The following GALC variants were observed in gnomAD, a reference collection of about 807,000 sequenced individuals.
The protein encoded by GALC is galactosylceramidase.
In GALC, 77 loss-of-function variants were observed where a neutral mutation model predicts 91.8. That is an observed-to-expected ratio of 0.84 (90% confidence interval 0.70 to 1.01). The LOEUF (loss-of-function observed/expected upper bound fraction) is 1.01. Among genes scored for constraint, GALC ranks in the 50% least tolerant of loss-of-function variants. GALC has a pLI of 0.00. For synonymous variants in GALC, 357 were observed against 306.7 expected, an observed-to-expected ratio of 1.16 and a Z score of -1.71; for missense variants, 882 against 855.9, an observed-to-expected ratio of 1.03 and a Z score of -0.38.
intron 10 of GALC, chr14:87,955,232 A>C: frequency 2.1e-6 from 2 of 954,040 alleles, no homozygotes; most frequent in Non-Finnish European, 3.4e-6. Context: ...CAGGCATTTC[A>C]AGGAAGAAGT....
At chr14:87,986,893 C>G (rs1886999212) in intron 3 of GALC, 1 of 435,338 alleles carries the variant, frequency 2.3e-6, no homozygotes, top group Non-Finnish European at 4.3e-6. Context: ...CTAAAAATTC[C>G]CAGTATTCAT....
rs527451288 is a variant in GALC, at chr14:87,976,654, G to A, written c.622-166C>T. On this transcript the variant is annotated intron_variant, in intron 6 of 16. Transcript: ENST00000261304. ...TTCTCAGACAGAGGCTTCTCTCGTCGCCCAGGCTGGAGTGCAGTGGCAGGA... is the reference window on the plus strand; with the variant it reads ...TTCTCAGACAGAGGCTTCTCTCGTCACCCAGGCTGGAGTGCAGTGGCAGGA... 1.7e-3 allele frequency: 1,025 copies of A among 601,056 alleles called. 9 individuals are homozygous for A. The highest frequency in any genetic ancestry group is 0.014 in the African/African-American group (773 of 54,008). The allele number at this position is 601,056 out of a possible 1,614,324, so 37.2% of individuals were successfully genotyped here.
chr14:87,988,549 T>A lies in GALC; in HGVS notation c.196-26A>T, dbSNP rs375326954. On this transcript the variant is annotated intron_variant, in intron 1 of 16. Transcript: ENST00000261304. ...CTAAAAAAAAAAGTTTTCAAAAGTA[T>A]GAATAAAAGAAATCCAGTCATGAAT... is the stretch of plus-strand genomic sequence containing the variant. 3.3e-6 allele frequency: 5 copies of A among 1,509,726 alleles called. No homozygotes were observed. In the East Asian group the frequency reaches 9.0e-5, roughly 27 times the overall value. The allele number at this position is 1,509,726 out of a possible 1,614,324, so 93.5% of individuals were successfully genotyped here.
chr14:87,947,339 C>T (rs1885114190), intron 13 of GALC, among the ~76,000 whole-genome samples: 1 of 151,858 alleles, frequency 6.6e-6, no homozygotes, highest in East Asian at 1.9e-4. Context: ...CATAACTGCC[C>T]ATAAGCACTC....
intron 7 of GALC, among the ~76,000 whole-genome samples, 195 bp from the exon 8 acceptor site, chr14:87,968,685 G>A (rs567718137): frequency 6.6e-6 from 1 of 152,078 alleles, no homozygotes; most frequent in Admixed American, 6.6e-5. Context: ...CCATTAAAAT[G>A]ACAGCAAAGA....
In GALC at chr14:87,984,517, G is replaced by A. The variant is rs774472326; in HGVS notation, c.459C>T (p.Phe153=). The A allele has an allele frequency of 7.4e-5, 119 of 1,614,010 alleles. No homozygotes were observed. The highest frequency in any genetic ancestry group is 9.7e-5 in the Non-Finnish European group (114 of 1,180,012). ...NITLIGLPWS[F]PGWLGKGFDW... Reference sequence around the variant, plus strand: ...CGAAACCTTTTCCCAGCCATCCAGGGAATGACCATGGCAACCCTGCAGAGA... The same window carrying A: ...CGAAACCTTTTCCCAGCCATCCAGGAAATGACCATGGCAACCCTGCAGAGA... The change falls in exon 5 of 17, where the codon TTC becomes TTT. Residue 153 remains phenylalanine (F), a synonymous_variant. Coordinates refer to ENST00000261304, the MANE Select transcript of GALC (RefSeq NM_000153.4).
chr14:87,993,218 G>C, upstream of GALC: 1 of 1,549,372 alleles, frequency 6.5e-7, no homozygotes, highest in Middle Eastern at 1.7e-4. Flanking sequence ...TCGCCGCCAC[G>C]ATAGATACGG....
At chr14:87,955,133 T>A in intron 10 of GALC, 1 of 1,347,380 alleles carries the variant, frequency 7.4e-7, no homozygotes, top group Admixed American at 1.7e-5. Flanking sequence ...AGCTATCCAT[T>A]ACAACAAGAT....
At chr14:87,992,539 G>T in intron 1 of GALC, 1 of 1,525,570 alleles carries the variant, frequency 6.6e-7, no homozygotes, top group Non-Finnish European at 8.8e-7. Context: ...CACAGCCAAA[G>T]CATCCCACTG....
At chr14:87,993,603 C>G, upstream of GALC, 1 of 809,438 alleles carries the variant, frequency 1.2e-6, no homozygotes, top group Non-Finnish European at 2.0e-6. Flanking sequence ...TGAGTTTTCC[C>G]TTATGTGAGA....
chr14:87,962,784 T>C (rs1885863320), intron 10 of GALC, among the ~76,000 whole-genome samples: 2 of 152,102 alleles, frequency 1.3e-5, no homozygotes, highest in African/African-American at 4.8e-5. Flanking sequence ...TTTGGGAAGC[T>C]TGAGATCTCC....
At position 87,976,462 on chromosome 14, in the gene GALC, T is replaced by G. The variant is rs369575157; in HGVS notation, c.648A>C (p.Gln216His). Reference protein sequence around the residue: ...IKILRKMLNYQGLQRVKIIAS... With the variant: ...IKILRKMLNYHGLQRVKIIAS... Reference sequence around the variant, plus strand: ...CTATGATTTTCACTCGCTGGAGACCTTGATAATTCAGCATTTTTCTTAATA... The same window carrying G: ...CTATGATTTTCACTCGCTGGAGACCGTGATAATTCAGCATTTTTCTTAATA... Residue 216 changes from glutamine (Q) to histidine (H), a missense_variant, in exon 7 of 17, where the codon CAA (glutamine) becomes CAC (histidine). Physicochemically the swap from Gln to His is conservative, Grantham distance 24 (BLOSUM62 0). Coordinates refer to ENST00000261304, the MANE Select transcript of GALC (RefSeq NM_000153.4). 1 of 1,612,744 alleles carries G rather than the reference T, an allele frequency of 6.2e-7. No homozygotes were observed. The highest frequency in any genetic ancestry group is 1.3e-5 in the African/African-American group (1 of 74,910).
At chr14:87,954,449 G>C (rs188462778) in intron 10 of GALC, 7 of 1,588,818 alleles carry the variant, frequency 4.4e-6, no homozygotes, top group Non-Finnish European at 4.3e-6. Flanking sequence ...AAGGAAAAAA[G>C]GTTATATTTG....
At position 87,968,435 on chromosome 14, in the gene GALC, G is replaced by C. The variant is rs766573622; in HGVS notation, c.808C>G (p.Leu270Val). The change falls in exon 8 of 17, where the codon CTT (leucine) becomes GTT (valine). Residue 270 changes from leucine to valine, a missense_variant. Coordinates refer to ENST00000261304, the MANE Select transcript of GALC (RefSeq NM_000153.4). Reference protein sequence around the residue: ...AKDAKLTGKKLWSSEDFSTLN... With the variant: ...AKDAKLTGKKVWSSEDFSTLN... ...GTGCTAAAGTCTTCAGAAGACCAAA[G>C]CTTCTTCCCAGTCAACTTTGCATCT... The C allele has an allele frequency of 3.1e-6, 5 of 1,613,596 alleles. No homozygotes were observed. In the South Asian group the frequency reaches 5.5e-5, roughly 18 times the overall value.
intron 9 of GALC, among the ~76,000 whole-genome samples, chr14:87,964,670 T>A (rs1262547377): frequency 6.6e-6 from 1 of 152,146 alleles, no homozygotes. Flanking sequence ...GGATGTATTA[T>A]CTATAGCCCT....
chr14:87,985,112 C>T (rs999435242), intron 4 of GALC, among the ~76,000 whole-genome samples: 6 of 152,022 alleles, frequency 3.9e-5, no homozygotes, highest in Admixed American at 2.6e-4. Context: ...TTAAGTGATA[C>T]ACATCAAATA....
At chr14:87,942,639 G>A (rs896148869) in intron 14 of GALC, among the ~76,000 whole-genome samples, 1 of 151,952 alleles carries the variant, frequency 6.6e-6, no homozygotes, top group African/African-American at 2.4e-5. Flanking sequence ...ATCCATTCTG[G>A]AAATGGGCTG....
At chr14:87,945,168 GGT>G (rs1345281240) in intron 14 of GALC, among the ~76,000 whole-genome samples, 1 of 151,850 alleles carries the variant, frequency 6.6e-6, no homozygotes, top group African/African-American at 2.4e-5. Context: ...TTCTAAGATT[GGT>G]CCACTAGATG....
At chr14:87,974,077 AGAC>A (rs1262778243) in intron 7 of GALC, among the ~76,000 whole-genome samples, 1 of 152,224 alleles carries the variant, frequency 6.6e-6, no homozygotes, top group Non-Finnish European at 1.5e-5. Context: ...CAATAACAAA[AGAC>A]AATATAGTAG....
Sources: allele counts gnomAD v4.1 joint callset (sites outside exome capture counted in the v4.1 genomes callset), GRCh38; gene constraint gnomAD v4.1.1; transcripts MANE v1.5; gene names NCBI Gene and HGNC (gene_info 2026-07-23, HGNC 2026-07-21).